ZNF585A: variants seen among roughly 807,000 people sequenced by gnomAD.
ZNF585A encodes the protein zinc finger protein 585A.
In ZNF585A, 9 loss-of-function variants were observed where a neutral mutation model predicts 14.9. The ratio of observed to expected loss-of-function variants is 0.60; its 90% CI spans 0.36 to 1.05. The LOEUF is 1.05. Among genes scored for constraint, ZNF585A ranks in the 50% least tolerant of loss-of-function variants. The pLI is 0.01. For synonymous variants in ZNF585A, 276 were observed against 319.9 expected, an observed-to-expected ratio of 0.86 and a Z score of 1.46; for missense variants, 726 against 926.4, an observed-to-expected ratio of 0.78 and a Z score of 2.81.
intron 2 of ZNF585A, 61 bp from the exon 3 acceptor site, chr19:37,156,416 T>C (rs761281597): frequency 6.3e-7 from 1 of 1,580,866 alleles, no homozygotes; most frequent in Non-Finnish European, 8.6e-7. Flanking sequence ...AGAGACTATA[T>C]TTAGGAATAT....
At chr19:37,154,936 T>C (rs1467688363) in intron 4 of ZNF585A, among the ~76,000 whole-genome samples, 2 of 151,032 alleles carry the variant, frequency 1.3e-5, no homozygotes. Flanking sequence ...TCTAGGACTA[T>C]GGGGAATGTA....
rs554306713 is a variant in ZNF585A at position 37,147,705 on chromosome 19, T to C, written c.*3884A>G. On this transcript the variant is annotated 3_prime_UTR_variant, in exon 5 of 5. Coordinates refer to ENST00000292841, the MANE Select transcript of ZNF585A (RefSeq NM_001288800.2). ...ACTGTAGACACAATTTTCTATAGTATGTAATGACAGGCACATATAAAATTA... is the reference window on the plus strand; with the variant it reads ...ACTGTAGACACAATTTTCTATAGTACGTAATGACAGGCACATATAAAATTA... The C allele has an allele frequency of 8.5e-5, 13 of 152,320 alleles. No homozygotes were observed. In the East Asian group the frequency reaches 2.5e-3, roughly 29 times the overall value. 9.4% of individuals were successfully genotyped at this position (152,320 alleles called of 1,614,324 possible).
chr19:37,147,447 T>C lies in ZNF585A; in HGVS notation c.*4142A>G, dbSNP rs896868839. 3.3e-5 allele frequency: 5 copies of C among 152,372 alleles called. No individual in the cohort carries two copies. The highest frequency in any genetic ancestry group is 3.4e-3 in the Middle Eastern group (1 of 294). The allele number at this position is 152,372 out of a possible 1,614,324, so 9.4% of individuals were successfully genotyped here. On this transcript the variant is annotated 3_prime_UTR_variant, in exon 5 of 5. Coordinates refer to ENST00000292841, the MANE Select transcript of ZNF585A (RefSeq NM_001288800.2). ...GTTGACTAACTCCAACTGCAGACTC[T>C]CTGGCCTCTTTTATTGTAGTTATAT... is the stretch of plus-strand genomic sequence containing the variant.
intron 2 of ZNF585A, among the ~76,000 whole-genome samples, chr19:37,163,560 G>C (rs1033308499): frequency 6.6e-6 from 1 of 151,724 alleles, no homozygotes; most frequent in Non-Finnish European, 1.5e-5. Context: ...ACATGAGACG[G>C]AAATAAAGAT....
chr19:37,151,083 G>T lies in ZNF585A; in HGVS notation c.*506C>A. 3.1e-6 allele frequency: 1 copy of T among 325,710 alleles called. No individual in the cohort carries two copies. Among genetic ancestry groups the T allele is most frequent in the East Asian group, 4.7e-5 (1 of 21,108 alleles). 20.2% of individuals were successfully genotyped at this position (325,710 alleles called of 1,614,324 possible). A position where few individuals can be genotyped will look rare whatever the true frequency, so the allele number is the denominator to read the frequency against. ...GAAATACTGAATGAGGGTTGGATAT[G>T]ACCAACTGTGGTAGATTCGAATGAG... On this transcript the variant is annotated 3_prime_UTR_variant, in exon 5 of 5. Coordinates refer to ENST00000292841, the MANE Select transcript of ZNF585A (RefSeq NM_001288800.2).
intron 4 of ZNF585A, among the ~76,000 whole-genome samples, chr19:37,155,040 G>A (rs1158023329): frequency 1.3e-4 from 18 of 133,640 alleles, no homozygotes; most frequent in Non-Finnish European, 2.8e-4. Context: ...TCGCTCTGTC[G>A]CCCAGGCTGG....
In ZNF585A at chr19:37,152,338, G is replaced by T; in HGVS notation, c.1561C>A (p.Pro521Thr). ...TTTCCACAAGTATTGCATTCATAAG[G>T]CTTCTCCCCAGTATGGATTCTCTGA... Reference protein sequence around the residue: ...THQRIHTGEKPYECNTCGKAF... With the variant: ...THQRIHTGEKTYECNTCGKAF... The change falls in exon 5 of 5, where the codon CCT becomes ACT. Residue 521 changes from proline (P) to threonine (T), a missense_variant. Pro to Thr is a conservative substitution (Grantham distance 38). Coordinates refer to ENST00000292841, the MANE Select transcript of ZNF585A (RefSeq NM_001288800.2). 1 of 1,613,992 alleles carries T rather than the reference G, an allele frequency of 6.2e-7. No homozygotes were observed. Among genetic ancestry groups the T allele is most frequent in the Non-Finnish European group, 8.5e-7 (1 of 1,180,014 alleles).
rs1372658201 is a variant in ZNF585A at position 37,152,181 on chromosome 19, G to A, written c.1718C>T (p.Thr573Ile). 5 of 1,611,600 alleles carry A rather than the reference G, an allele frequency of 3.1e-6. No individual in the cohort carries two copies. Among genetic ancestry groups the A allele is most frequent in the Non-Finnish European group, 4.2e-6 (5 of 1,178,696 alleles). ...AGTGCATACATAGGGTTTCTCTCCT[G>A]TATGAATTTTCTGATGAACAATGAG... ...SILIVHQKIH[T>I]GEKPYVCTEC... The change falls in exon 5 of 5, where the codon ACA becomes ATA. Residue 573 changes from threonine to isoleucine, a missense_variant. By Grantham distance (89) the Thr-to-Ile change is moderately conservative. Around this residue, in one of 2 missense-constraint regions of ZNF585A, gnomAD observed 243 missense variants for 383.6 expected, o/e 0.63. Coordinates refer to ENST00000292841, the MANE Select transcript of ZNF585A (RefSeq NM_001288800.2).
At position 37,151,650 on chromosome 19, in the gene ZNF585A, A is replaced by G; in HGVS notation, c.2249T>C (p.Ile750Thr). The G allele has an allele frequency of 6.2e-7, 1 of 1,614,174 alleles. No individual in the cohort carries two copies. Among genetic ancestry groups the G allele is most frequent in the African/African-American group, 1.3e-5 (1 of 75,046 alleles). Reference protein sequence around the residue: ...HTGDKPYKCGICGKGFVQKSV... With the variant: ...HTGDKPYKCGTCGKGFVQKSV... Reference sequence around the variant, plus strand: ...TTTCTGAACGAAGCCTTTCCCACAGATGCCACACTTGTAGGGTTTGTCTCC... The same window carrying G: ...TTTCTGAACGAAGCCTTTCCCACAGGTGCCACACTTGTAGGGTTTGTCTCC... The change falls in exon 5 of 5, where the codon ATC becomes ACC. Residue 750 changes from isoleucine (I) to threonine (T), a missense_variant. Physicochemically the swap from Ile to Thr is moderately conservative, Grantham distance 89. Coordinates refer to ENST00000292841, the MANE Select transcript of ZNF585A (RefSeq NM_001288800.2).
At chr19:37,160,891 A>G (rs1205064244) in intron 2 of ZNF585A, among the ~76,000 whole-genome samples, 2 of 151,998 alleles carry the variant, frequency 1.3e-5, no homozygotes, top group Non-Finnish European at 2.9e-5. Context: ...TTTGTGAGAC[A>G]CGATCTTGCT....
rs777829780 is a variant in ZNF585A, at chr19:37,153,579, C to T, written c.320G>A (p.Cys107Tyr). ...TTGTTTATAACTGAGGATTTTTCTA[C>T]ATTGATTATGGTCCCATAATTTCTC... ...PGEKLWDHNQ[C>Y]RKILSYKQVS... is the part of the protein sequence containing the mutation. Residue 107 changes from cysteine (C) to tyrosine (Y), a missense_variant, in exon 5 of 5, where the codon TGT (cysteine) becomes TAT (tyrosine). Around this residue, in one of 2 missense-constraint regions of ZNF585A, gnomAD observed 483 missense variants for 542.8 expected, o/e 0.89. Transcript: ENST00000292841. 4 of 1,613,162 alleles carry T rather than the reference C, an allele frequency of 2.5e-6. No individual in the cohort carries two copies. The highest frequency in any genetic ancestry group is 1.7e-5 in the Admixed American group (1 of 59,958).
At chr19:37,162,612 G>T (rs1972029133) in intron 2 of ZNF585A, among the ~76,000 whole-genome samples, 2 of 152,128 alleles carry the variant, frequency 1.3e-5, no homozygotes, top group Admixed American at 1.3e-4. Context: ...AAGAAAATGT[G>T]GTGTCTATAT....
rs1427351464 is a variant in ZNF585A at position 37,147,887 on chromosome 19, A to T, written c.*3702T>A. 6.6e-6 allele frequency: 1 copy of T among 152,214 alleles called. No individual in the cohort carries two copies. The highest frequency in any genetic ancestry group is 6.5e-5 in the Admixed American group (1 of 15,278). The allele number at this position is 152,214 out of a possible 1,614,324, so 9.4% of individuals were successfully genotyped here. On this transcript the variant is annotated 3_prime_UTR_variant, in exon 5 of 5. Transcript: ENST00000292841. ...TCTTTATGTCTGAGCAGCCCTCCATAGTATTGGTGTACACAATTTGTTTAA... is the reference window on the plus strand; with the variant it reads ...TCTTTATGTCTGAGCAGCCCTCCATTGTATTGGTGTACACAATTTGTTTAA...
chr19:37,155,815 G>A lies in ZNF585A; in HGVS notation c.292+50C>T, dbSNP rs61737644. ...GGTGTTGGTGTTTCTCAAGACAGCT[G>A]AGATTTCCTCCCATCTCCCATCTAC... is the stretch of plus-strand genomic sequence containing the variant. On this transcript the variant is annotated intron_variant, in intron 4 of 4. Coordinates refer to ENST00000292841, the MANE Select transcript of ZNF585A (RefSeq NM_001288800.2). 5,101 of 1,592,980 alleles carry A rather than the reference G, an allele frequency of 3.2e-3. 13 individuals are homozygous for A. The highest frequency in any genetic ancestry group is 5.7e-3 in the South Asian group (518 of 90,526).
intron 2 of ZNF585A, among the ~76,000 whole-genome samples, chr19:37,162,036 G>C (rs1226114546): frequency 6.6e-6 from 1 of 152,158 alleles, no homozygotes; most frequent in African/African-American, 2.4e-5. Context: ...CGATTCTCCT[G>C]CCTCAGCTTC....
chr19:37,148,489 C>A lies in ZNF585A; in HGVS notation c.*3100G>T. 6.6e-6 allele frequency: 1 copy of A among 151,834 alleles called. No individual in the cohort carries two copies. The allele number at this position is 151,834 out of a possible 1,614,324, so 9.4% of individuals were successfully genotyped here. ...AGAGACGGAAACAGACTGGTGATTGCCAAGGGCTGGGAGTGGGAAAAGGGA... is the reference window on the plus strand; with the variant it reads ...AGAGACGGAAACAGACTGGTGATTGACAAGGGCTGGGAGTGGGAAAAGGGA... On this transcript the variant is annotated 3_prime_UTR_variant, in exon 5 of 5. Coordinates refer to ENST00000292841, the MANE Select transcript of ZNF585A (RefSeq NM_001288800.2).
chr19:37,155,818 A>G, intron 4 of ZNF585A, 47 bp downstream of exon 4: 1 of 1,598,024 alleles, frequency 6.3e-7, no homozygotes, highest in Non-Finnish European at 8.6e-7. Flanking sequence ...GACAGCTGAG[A>G]TTTCCTCCCA....
chr19:37,155,901 C>T lies in ZNF585A; in HGVS notation c.256G>A (p.Ala86Thr), dbSNP rs1480148962. Residue 86 changes from alanine (A) to threonine (T), a missense_variant, in exon 4 of 5, where the codon GCA (alanine) becomes ACA (threonine). This residue lies in a region of ZNF585A where 483 missense variants were observed against 542.8 expected (regional missense o/e 0.89). Coordinates refer to ENST00000292841, the MANE Select transcript of ZNF585A (RefSeq NM_001288800.2). ...VMLEQGKEPWALQGERPRQSC... is the reference protein window; with the variant it reads ...VMLEQGKEPWTLQGERPRQSC... ...TGACGTGGCCTCTCACCCTGCAGTG[C>T]CCATGGTTCCTTTCCTTGCTCCAAC... 2.5e-6 allele frequency: 4 copies of T among 1,612,440 alleles called. No individual in the cohort carries two copies. The highest frequency in any genetic ancestry group is 1.1e-5 in the South Asian group (1 of 90,996).
At chr19:37,171,047 A>G (rs936729499) in intron 1 of ZNF585A, among the ~76,000 whole-genome samples, 3 of 152,260 alleles carry the variant, frequency 2.0e-5, no homozygotes, top group Non-Finnish European at 4.4e-5. Flanking sequence ...CATTCATTGC[A>G]TAAATGGCAG....
Sources: allele counts gnomAD v4.1 joint callset (sites outside exome capture counted in the v4.1 genomes callset), GRCh38; gene constraint gnomAD v4.1.1; regional missense constraint gnomAD v4.1.1; transcripts MANE v1.5; gene names NCBI Gene and HGNC (gene_info 2026-07-23, HGNC 2026-07-21).